ZNF790: variants seen among roughly 807,000 people sequenced by gnomAD.
The protein encoded by ZNF790 is zinc finger protein 790.
Under a neutral mutation model 12.1 loss-of-function variants are expected in ZNF790, and 8 were observed. The ratio of observed to expected loss-of-function variants is 0.66; its 90% CI spans 0.39 to 1.19. ZNF790 has a LOEUF of 1.19. Ranked by LOEUF, ZNF790 falls within the 50% of genes most tolerant of loss-of-function variation. The pLI is 0.01. For synonymous variants in ZNF790, 252 were observed against 244.3 expected, an observed-to-expected ratio of 1.03 and a Z score of -0.29; for missense variants, 707 against 752.2, an observed-to-expected ratio of 0.94 and a Z score of 0.70.
chr19:36,844,232 G>T (rs1402751142), intron 1 of ZNF790, among the ~76,000 whole-genome samples: 1 of 151,216 alleles, frequency 6.6e-6, no homozygotes, highest in Non-Finnish European at 1.5e-5. Flanking sequence ...GATCGTTTGA[G>T]CCCAGGAGAT....
At chr19:36,827,159 T>C (rs1361252761) in intron 1 of ZNF790, among the ~76,000 whole-genome samples, 2,305 of 101,684 alleles carry the variant, frequency 0.023, 129 homozygotes, top group African/African-American at 0.064. Flanking sequence ...TATATATATA[T>C]ATATATATAT....
chr19:36,830,308 G>T lies in ZNF790; in HGVS notation c.-73-4616C>A, dbSNP rs758500525. Among the ~76,000 whole-genome samples, 66 of 151,998 alleles carry T rather than the reference G, an allele frequency of 4.3e-4. 1 individual carries two copies. The highest frequency in any genetic ancestry group is 1.2e-3 in the African/African-American group (48 of 41,392). On this transcript the variant is annotated intron_variant, in intron 1 of 4. Coordinates refer to ENST00000356725, the MANE Select transcript of ZNF790 (RefSeq NM_206894.4). ...CTATTGAGATGATTGTGTGATTTTT[G>T]TTTTTTTATTCTATTGATATGATGT...
chr19:36,821,906 CTG>C (rs959919100), intron 4 of ZNF790, among the ~76,000 whole-genome samples: 4 of 152,074 alleles, frequency 2.6e-5, no homozygotes, highest in Admixed American at 6.6e-5. Context: ...TTTTATGACA[CTG>C]TGTTCTTCTC....
intron 1 of ZNF790, among the ~76,000 whole-genome samples, chr19:36,835,532 T>G (rs555543777): frequency 6.6e-6 from 1 of 152,302 alleles, no homozygotes; most frequent in Non-Finnish European, 1.5e-5. Context: ...TCCCCTTATG[T>G]CACAGGGATC....
intron 2 of ZNF790, among the ~76,000 whole-genome samples, chr19:36,823,992 C>CTTTTT (rs779735213): frequency 0.11 from 11,709 of 103,974 alleles, 1,137 homozygotes; most frequent in African/African-American, 0.16. Context: ...TCTACATGCT[C>CTTTTT]TTTTTTTTTT....
At chr19:36,831,645 A>G (rs574644559) in intron 1 of ZNF790, among the ~76,000 whole-genome samples, 1 of 152,266 alleles carries the variant, frequency 6.6e-6, no homozygotes, top group African/African-American at 2.4e-5. Context: ...AATTTAACAA[A>G]GAAACAAAAA....
intron 4 of ZNF790, among the ~76,000 whole-genome samples, chr19:36,820,981 C>T (rs1203555717): frequency 6.7e-6 from 1 of 148,318 alleles, no homozygotes; most frequent in Non-Finnish European, 1.5e-5. Context: ...ATGTGCCATG[C>T]TGGTGTGCTG....
intron 1 of ZNF790, among the ~76,000 whole-genome samples, chr19:36,844,876 G>A (rs1359023831): frequency 6.7e-6 from 1 of 149,670 alleles, no homozygotes; most frequent in Non-Finnish European, 1.5e-5. Flanking sequence ...GTGAAACCCC[G>A]TCTCTACTAA....
chr19:36,843,981 T>G (rs1410466257), intron 1 of ZNF790, among the ~76,000 whole-genome samples: 1 of 144,520 alleles, frequency 6.9e-6, no homozygotes, highest in Non-Finnish European at 1.5e-5. Context: ...CACTCCAGCC[T>G]TGGCAACAAG....
At chr19:36,826,379 TGAA>T (rs1354418807) in intron 1 of ZNF790, among the ~76,000 whole-genome samples, 5 of 151,986 alleles carry the variant, frequency 3.3e-5, no homozygotes, top group Non-Finnish European at 7.4e-5. Flanking sequence ...GGTCAGGAGA[TGAA>T]GACCATCTTG....
Position 36,836,204 on chromosome 19 carries a change from C to T in ZNF790, c.-74+2133G>A, listed in dbSNP as rs560029843. On this transcript the variant is annotated intron_variant, in intron 1 of 4. Transcript: ENST00000356725. ...CAGAAGAAACAGGATATACTAGGCC[C>T]CTGCTTGGATAGATGATGCCTGCTT... 1.2e-4 allele frequency among the ~76,000 whole-genome samples: 18 copies of T among 152,176 alleles called. No individual in the cohort carries two copies. The South Asian group carries it at 3.7e-3, about 32-fold the overall frequency.
chr19:36,837,027 A>G (rs1034690234), intron 1 of ZNF790, among the ~76,000 whole-genome samples: 3 of 152,160 alleles, frequency 2.0e-5, no homozygotes, highest in Admixed American at 2.0e-4. Flanking sequence ...TCAAGAAATC[A>G]TCTTTCACTA....
rs987723059 is a variant in ZNF790 at position 36,838,042 on chromosome 19, A to G, written c.-74+295T>C. 1 of 152,320 alleles carries G rather than the reference A, an allele frequency of 6.6e-6. No homozygotes were observed. The highest frequency in any genetic ancestry group is 1.5e-5 in the Non-Finnish European group (1 of 68,124). The allele number at this position is 152,320 out of a possible 1,614,324, so 9.4% of individuals were successfully genotyped here. On this transcript the variant is annotated intron_variant, in intron 1 of 4. Transcript: ENST00000356725. The surrounding 1 kb of genome is among the most constrained non-coding windows in gnomAD (Gnocchi z 4.4). ...GACGCAGTCATAATCACGTACATAC[A>G]GTCACATTTAAATAGTCCATTAGGG...
intron 1 of ZNF790, among the ~76,000 whole-genome samples, chr19:36,828,403 C>T (rs1013630942): frequency 2.0e-5 from 3 of 150,610 alleles, no homozygotes; most frequent in African/African-American, 4.9e-5. Context: ...GCGGAGGTTG[C>T]GGTGAGCTGA....
chr19:36,838,106 G>GCA lies in ZNF790; in HGVS notation c.-74+229_-74+230dup, dbSNP rs903557760. ...CTGTCAACGTCGTGTGCGCGTGCGC[G>GCA]CACACACACACACACACACACATAC... On this transcript the variant is annotated intron_variant, in intron 1 of 4. Transcript: ENST00000356725. This position sits in a 1 kb window ranked among gnomAD's most constrained non-coding sequence, Gnocchi z 4.4. 1,408 of 75,108 alleles carry GCA rather than the reference G, an allele frequency of 0.019. 11 individuals carry two copies. Among genetic ancestry groups the GCA allele is most frequent in the East Asian group, 0.085 (259 of 3,044 alleles). The allele number at this position is 75,108 out of a possible 1,614,324, so 4.7% of individuals were successfully genotyped here. A position where few individuals can be genotyped will look rare whatever the true frequency, so the allele number is the denominator to read the frequency against.
upstream of ZNF790, among the ~76,000 whole-genome samples, chr19:36,841,861 G>A (rs892892604): frequency 8.8e-6 from 1 of 113,612 alleles, no homozygotes; most frequent in Admixed American, 1.0e-4. Context: ...GGTGGGGGGT[G>A]GGGGGAGGGG....
Position 36,819,751 on chromosome 19 carries a change from C to T in ZNF790, c.593G>A (p.Cys198Tyr), listed in dbSNP as rs1384837561. Residue 198 changes from cysteine to tyrosine, a missense_variant, in exon 5 of 5, where the codon TGT (cysteine) becomes TAT (tyrosine). By Grantham distance (194) the Cys-to-Tyr change is radical (BLOSUM62 -2). Transcript: ENST00000356725. ...HQLIHTSEKFCGDKECGNTFL... is the reference protein window; with the variant it reads ...HQLIHTSEKFYGDKECGNTFL... The stretch of plus-strand genomic sequence containing the variant: ...GGTATTCCCACATTCTTTATCTCCA[C>T]AGAATTTCTCACTTGTGTGAATTAA... The T allele has an allele frequency of 1.2e-6, 2 of 1,613,554 alleles. No homozygotes were observed.
chr19:36,831,269 TA>T (rs960873595), intron 1 of ZNF790, among the ~76,000 whole-genome samples: 12 of 150,968 alleles, frequency 7.9e-5, no homozygotes, highest in Non-Finnish European at 1.5e-4. Flanking sequence ...CAGTCTGAAT[TA>T]AAAAAAAAGT....
intron 1 of ZNF790, among the ~76,000 whole-genome samples, chr19:36,844,078 T>C (rs1331001535): frequency 1.3e-5 from 2 of 150,588 alleles, no homozygotes; most frequent in Non-Finnish European, 2.9e-5. Flanking sequence ...CCCAGCACTT[T>C]GGGAATGCCT....
Sources: allele counts gnomAD v4.1 joint callset (sites outside exome capture counted in the v4.1 genomes callset), GRCh38; gene constraint gnomAD v4.1.1; non-coding constraint Gnocchi (gnomAD v3.1); transcripts MANE v1.5; gene names NCBI Gene and HGNC (gene_info 2026-07-23, HGNC 2026-07-21).